Variants in ATRNL1 observed in about 807,000 individuals in gnomAD.
ATRNL1 encodes attractin like 1, also known as attractin-like protein 1.
In ATRNL1, 95 loss-of-function variants were observed where a neutral mutation model predicts 182.7. The ratio of observed to expected loss-of-function variants is 0.52; its 90% CI spans 0.44 to 0.62. The LOEUF (loss-of-function observed/expected upper bound fraction) is 0.62, where lower values mean the gene tolerates loss of function less well. Ranked by LOEUF, ATRNL1 falls within the 20% of genes least tolerant of loss-of-function variation. The probability of loss-of-function intolerance (pLI) is 0.00; values close to 1 mark genes in which losing one functional copy is unlikely to be tolerated. For synonymous variants in ATRNL1, 576 were observed against 568.3 expected (o/e 1.01, Z -0.19); for missense variants, 1,471 against 1,679.5 (o/e 0.88, Z 2.17).
intron 15 of ATRNL1, 37 bp from the exon 16 acceptor site, chr10:115,299,997 A>G (rs782363994): frequency 1.1e-5 from 17 of 1,486,096 alleles, no homozygotes; most frequent in Non-Finnish European, 1.6e-5. Flanking sequence ...TTTTACATCT[A>G]ACTTTCTTTG....
chr10:115,536,881 A>T (rs1554990602), intron 25 of ATRNL1, among the ~76,000 whole-genome samples: 1 of 152,242 alleles, frequency 6.6e-6, no homozygotes, highest in East Asian at 1.9e-4. Context: ...CTCTACATCA[A>T]AGAGATATAA....
intron 21 of ATRNL1, among the ~76,000 whole-genome samples, chr10:115,435,047 T>TTG (rs1846338387): frequency 6.6e-6 from 1 of 150,930 alleles, no homozygotes; most frequent in African/African-American, 2.4e-5. Context: ...TTTTTTTTTT[T>TTG]TGTGACGGAG....
chr10:115,882,569 G>T (rs1951850471), intron 28 of ATRNL1, among the ~76,000 whole-genome samples: 3 of 152,114 alleles, frequency 2.0e-5, no homozygotes, highest in South Asian at 4.1e-4. Flanking sequence ...ACTCTCCAGG[G>T]TCACACATTA....
At chr10:115,500,254 A>G (rs1357420472) in intron 24 of ATRNL1, among the ~76,000 whole-genome samples, 13 of 152,232 alleles carry the variant, frequency 8.5e-5, no homozygotes, top group African/African-American at 3.1e-4. Context: ...TCACGAAAGC[A>G]CAGCTTAGTT....
At position 115,709,312 on chromosome 10, in the gene ATRNL1, GATACCTTGC is replaced by G. The variant is rs563690690; in HGVS notation, c.3796-17933_3796-17925del. ...TATTTGTTGGCATGTCACACATTCA[GATACCTTGC>G]ATGTCTAATTATTATATACTGAAAT... On this transcript the variant is annotated intron_variant, in intron 26 of 28. Coordinates refer to ENST00000355044, the MANE Select transcript of ATRNL1 (RefSeq NM_207303.4). 5.9e-5 allele frequency among the ~76,000 whole-genome samples: 9 copies of G among 152,002 alleles called. No homozygotes were observed. In the South Asian group the frequency reaches 1.9e-3, roughly 31 times the overall value.
At chr10:115,863,652 G>C (rs958331128) in intron 28 of ATRNL1, among the ~76,000 whole-genome samples, 2 of 152,184 alleles carry the variant, frequency 1.3e-5, no homozygotes, top group African/African-American at 4.8e-5. Flanking sequence ...ATGTATGCAC[G>C]TGTGTTGGTA....
intron 9 of ATRNL1, among the ~76,000 whole-genome samples, chr10:115,227,228 A>G (rs1005916596): frequency 6.6e-6 from 1 of 152,144 alleles, no homozygotes; most frequent in Non-Finnish European, 1.5e-5. Flanking sequence ...CACAGGCAAA[A>G]GACAAATAAC....
At chr10:115,347,566 A>C (rs999053270) in intron 19 of ATRNL1, among the ~76,000 whole-genome samples, 1 of 152,106 alleles carries the variant, frequency 6.6e-6, no homozygotes, top group Admixed American at 6.5e-5. Flanking sequence ...TTCAAAGTGC[A>C]TGCCGATATT....
rs1212561156 is a variant in ATRNL1, at chr10:115,917,863, G to A, written c.4019-26795G>A. ...TAAACAAGTAACAAAATAAATAGGG[G>A]CAACAAAAGTCACTGCTATTGTAAT... On this transcript the variant is annotated intron_variant, in intron 28 of 28. Coordinates refer to ENST00000355044, the MANE Select transcript of ATRNL1 (RefSeq NM_207303.4). Among the ~76,000 whole-genome samples, 4 of 152,200 alleles carry A rather than the reference G, an allele frequency of 2.6e-5. No homozygotes were observed. In the East Asian group the frequency reaches 7.7e-4, roughly 29 times the overall value.
intron 26 of ATRNL1, among the ~76,000 whole-genome samples, chr10:115,605,371 ACTT>A (rs1555017273): frequency 6.6e-6 from 1 of 152,110 alleles, no homozygotes; most frequent in Non-Finnish European, 1.5e-5. Flanking sequence ...GAATAAGCTT[ACTT>A]CTTGAGGAAT....
chr10:115,409,600 C>G (rs1325404287), intron 20 of ATRNL1, among the ~76,000 whole-genome samples: 1 of 152,064 alleles, frequency 6.6e-6, no homozygotes, highest in Non-Finnish European at 1.5e-5. Context: ...ACTTTCAACA[C>G]TATGTTGGAT....
In ATRNL1 at chr10:115,160,004, TTAATC is replaced by T. The variant is rs782497798; in HGVS notation, c.830-33_830-29del. 7 of 1,482,754 alleles carry T rather than the reference TTAATC, an allele frequency of 4.7e-6. 1 individual carries two copies. In the South Asian group the frequency reaches 8.2e-5, roughly 17 times the overall value. 91.8% of individuals were successfully genotyped at this position (1,482,754 alleles called of 1,614,324 possible). On this transcript the variant is annotated intron_variant, in intron 5 of 28. Transcript: ENST00000355044. Reference sequence around the variant, plus strand: ...TATTTCTATAATCTGAGGGCTTTGTTTAATCTAGTGTGTTGTTTCATTTTTTTTTT... The same window carrying T: ...TATTTCTATAATCTGAGGGCTTTGTTTAGTGTGTTGTTTCATTTTTTTTTT...
intron 1 of ATRNL1, among the ~76,000 whole-genome samples, chr10:115,102,346 T>C (rs1554864771): frequency 6.6e-6 from 1 of 152,198 alleles, no homozygotes; most frequent in Non-Finnish European, 1.5e-5. Context: ...TTTGACTCTT[T>C]TCTGTTCCAT....
chr10:115,798,462 C>G (rs551368811), intron 27 of ATRNL1, among the ~76,000 whole-genome samples: 63 of 152,284 alleles, frequency 4.1e-4, no homozygotes, highest in Non-Finnish European at 8.1e-4. Flanking sequence ...TGTGTTCTTA[C>G]TCAGAAGACC....
At chr10:115,862,118 C>G (rs1951331272) in intron 28 of ATRNL1, among the ~76,000 whole-genome samples, 1 of 152,148 alleles carries the variant, frequency 6.6e-6, no homozygotes, top group Admixed American at 6.5e-5. Context: ...GGCTACCTGG[C>G]TCCTGTATCC....
At chr10:115,861,964 A>T (rs78554340) in intron 28 of ATRNL1, among the ~76,000 whole-genome samples, 1 of 152,172 alleles carries the variant, frequency 6.6e-6, no homozygotes, top group Non-Finnish European at 1.5e-5. Context: ...AGAAAAAAAA[A>T]TAATGTTTCA....
At chr10:115,207,423 A>C (rs977414807) in intron 8 of ATRNL1, among the ~76,000 whole-genome samples, 18 of 152,052 alleles carry the variant, frequency 1.2e-4, no homozygotes, top group African/African-American at 3.6e-4. Context: ...TTTGGTTTGC[A>C]CTTCTCTGAT....
In ATRNL1 at chr10:115,597,826, C is replaced by T. The variant is rs192179049; in HGVS notation, c.3795+48290C>T. 930 of 299,636 alleles carry T rather than the reference C, an allele frequency of 3.1e-3. 9 individuals carry two copies. Among genetic ancestry groups the T allele is most frequent in the African/African-American group, 0.02 (863 of 43,842 alleles). The allele number at this position is 299,636 out of a possible 1,614,324, so 18.6% of individuals were successfully genotyped here. A position where few individuals can be genotyped will look rare whatever the true frequency, so the allele number is the denominator to read the frequency against. On this transcript the variant is annotated intron_variant, in intron 26 of 28. Transcript: ENST00000355044. ...CTGGGATTACAGGCGTGAGCCACCG[C>T]GCCGGGCCTCTATGTGAACTCTTTA...
At chr10:115,685,023 A>G (rs1198713502) in intron 26 of ATRNL1, among the ~76,000 whole-genome samples, 2 of 151,902 alleles carry the variant, frequency 1.3e-5, no homozygotes, top group Admixed American at 6.6e-5. Flanking sequence ...AACTTGGAGT[A>G]CATCAGCCAT....
Sources: gnomAD v4.1 joint callset for allele counts (sites outside exome capture counted in the v4.1 genomes callset) on GRCh38, gnomAD v4.1.1 for gene constraint, MANE v1.5 for transcripts, NCBI Gene and HGNC (gene_info 2026-07-23, HGNC 2026-07-21) for gene names.